The following PTPRT variants were observed in gnomAD, a reference collection of about 807,000 sequenced individuals.
PTPRT encodes protein tyrosine phosphatase receptor type T, also known as receptor-type tyrosine-protein phosphatase T.
PTPRT carries 56 observed loss-of-function variants against 176.8 expected under a neutral mutation model. That is an observed-to-expected ratio of 0.32 (90% CI 0.26 to 0.40). PTPRT has a LOEUF of 0.40. PTPRT is among the 10% of genes least tolerant of loss of function. PTPRT has a pLI of 1.00. For synonymous variants in PTPRT, 783 were observed against 739.0 expected (o/e 1.06, Z -0.96); for missense variants, 1,540 against 1,908.2 (o/e 0.81, Z 3.60).
At chr20:42,428,955 G>A (rs2059191824) in intron 9 of PTPRT, among the ~76,000 whole-genome samples, 1 of 152,094 alleles carries the variant, frequency 6.6e-6, no homozygotes, top group Non-Finnish European at 1.5e-5. Context: ...GCAAGCTTAT[G>A]GCCACCCTAA....
chr20:42,736,797 GA>G (rs1040227278), intron 6 of PTPRT, among the ~76,000 whole-genome samples: 12 of 152,092 alleles, frequency 7.9e-5, no homozygotes, highest in African/African-American at 2.6e-4. Flanking sequence ...GACAAAGGAA[GA>G]AACTAAAAGA....
chr20:42,641,883 T>C (rs1378884279), intron 7 of PTPRT, among the ~76,000 whole-genome samples: 1 of 152,140 alleles, frequency 6.6e-6, no homozygotes, highest in Non-Finnish European at 1.5e-5. Flanking sequence ...CAGCTCTATC[T>C]TGACTATGCA....
intron 16 of PTPRT, among the ~76,000 whole-genome samples, chr20:42,179,475 A>C (rs1354604271): frequency 6.6e-6 from 1 of 152,186 alleles, no homozygotes; most frequent in Non-Finnish European, 1.5e-5. Flanking sequence ...TTACGCAGAT[A>C]AAAAATCCAT....
At chr20:42,705,378 G>C (rs1169907761) in intron 6 of PTPRT, among the ~76,000 whole-genome samples, 1 of 151,434 alleles carries the variant, frequency 6.6e-6, no homozygotes, top group East Asian at 1.9e-4. Context: ...TGGGATAGGT[G>C]GTGGAGTTAG....
chr20:42,406,765 T>C (rs939977746), intron 9 of PTPRT, among the ~76,000 whole-genome samples: 1 of 152,174 alleles, frequency 6.6e-6, no homozygotes, highest in African/African-American at 2.4e-5. Flanking sequence ...AATCAGTGCA[T>C]CCAAAGTACA....
chr20:42,752,154 G>A (rs970464642), intron 6 of PTPRT, among the ~76,000 whole-genome samples: 6 of 151,932 alleles, frequency 3.9e-5, no homozygotes, highest in Non-Finnish European at 7.4e-5. Flanking sequence ...TCATCAAATC[G>A]GCACCTGGGT....
At chr20:43,126,208 G>A (rs917947418) in intron 1 of PTPRT, among the ~76,000 whole-genome samples, 3 of 152,000 alleles carry the variant, frequency 2.0e-5, no homozygotes, top group African/African-American at 2.4e-5. Context: ...AAAAATAGCC[G>A]GGCATGATGG....
intron 1 of PTPRT, among the ~76,000 whole-genome samples, chr20:43,016,861 G>A (rs1229662910): frequency 6.6e-6 from 1 of 151,710 alleles, no homozygotes; most frequent in East Asian, 1.9e-4. Context: ...CTCCTTTTAT[G>A]TTTCTCTCCT....
chr20:43,122,122 G>A (rs773086783), intron 1 of PTPRT, among the ~76,000 whole-genome samples: 11 of 152,166 alleles, frequency 7.2e-5, no homozygotes, highest in African/African-American at 1.9e-4. Flanking sequence ...GTAGGGCTGC[G>A]GTTAGGCCTG....
intron 2 of PTPRT, among the ~76,000 whole-genome samples, chr20:42,883,817 T>TACACACACACCCATACAC (rs2079055944): frequency 8.5e-5 from 4 of 47,148 alleles, no homozygotes; most frequent in South Asian, 8.1e-4. Flanking sequence ...TACACCCCCA[T>TACACACACACCCATACAC]ATGCACACAC....
At chr20:42,689,521 C>T (rs774644938) in intron 6 of PTPRT, among the ~76,000 whole-genome samples, 7 of 152,158 alleles carry the variant, frequency 4.6e-5, no homozygotes, top group Admixed American at 2.6e-4. Context: ...GAGCCACACC[C>T]GTTTCACATC....
chr20:42,788,101 G>A (rs1042889193), intron 3 of PTPRT, among the ~76,000 whole-genome samples: 10 of 152,002 alleles, frequency 6.6e-5, no homozygotes, highest in African/African-American at 1.9e-4. Flanking sequence ...GATACAACAC[G>A]TCACGTTGTT....
At chr20:42,604,513 T>C (rs2073838309) in intron 7 of PTPRT, among the ~76,000 whole-genome samples, 1 of 148,812 alleles carries the variant, frequency 6.7e-6, no homozygotes. Flanking sequence ...GATTTAGTTC[T>C]CTTTTTTTTT....
chr20:42,271,307 T>C (rs1382870881), intron 13 of PTPRT, among the ~76,000 whole-genome samples: 1 of 152,172 alleles, frequency 6.6e-6, no homozygotes, highest in Non-Finnish European at 1.5e-5. Flanking sequence ...ATATACTCCC[T>C]CCTGCTCCTT....
At chr20:42,280,100 G>C (rs1041891590) in intron 13 of PTPRT, among the ~76,000 whole-genome samples, 5 of 151,890 alleles carry the variant, frequency 3.3e-5, no homozygotes, top group Admixed American at 2.0e-4. Context: ...AGGCTGCCTA[G>C]AGGAAATTTG....
intron 9 of PTPRT, among the ~76,000 whole-genome samples, chr20:42,441,588 C>T (rs922158092): frequency 6.6e-6 from 1 of 152,164 alleles, no homozygotes; most frequent in Non-Finnish European, 1.5e-5. Flanking sequence ...ACATATGGAA[C>T]AGGTGAAGTG....
chr20:42,463,781 C>T (rs1299486163), intron 8 of PTPRT, among the ~76,000 whole-genome samples: 1 of 152,108 alleles, frequency 6.6e-6, no homozygotes. Flanking sequence ...TTTGTCTCTC[C>T]ACTTCAGTTG....
intron 9 of PTPRT, among the ~76,000 whole-genome samples, chr20:42,432,262 G>A (rs1357312412): frequency 6.6e-6 from 1 of 152,192 alleles, no homozygotes; most frequent in African/African-American, 2.4e-5. Context: ...GGAGGCTGCT[G>A]AATCAAACCT....
At chr20:42,389,241 G>A (rs146242003) in intron 9 of PTPRT, among the ~76,000 whole-genome samples, 170 of 151,976 alleles carry the variant, frequency 1.1e-3, no homozygotes, top group African/African-American at 3.3e-3. Flanking sequence ...TAACCTGCAC[G>A]TTGTGCACAT....
Sources: gnomAD v4.1 joint callset for allele counts (sites outside exome capture counted in the v4.1 genomes callset) on GRCh38, gnomAD v4.1.1 for gene constraint, MANE v1.5 for transcripts, NCBI Gene and HGNC (gene_info 2026-07-23, HGNC 2026-07-21) for gene names.